The following OPRPN variants were observed in gnomAD, a reference collection of about 807,000 sequenced individuals.
The protein encoded by OPRPN is basic proline-rich lacrimal protein.
A neutral mutation model predicts 2.2 loss-of-function variants in OPRPN; 1 was observed. The observed-to-expected ratio is 0.45, with a 90% CI of 0.16 to 2.15. The LOEUF is 2.15. Ranked by LOEUF, OPRPN falls within the 30% of genes most tolerant of loss-of-function variation. The pLI, the probability that OPRPN is intolerant of heterozygous loss-of-function variation, is 0.28. For missense variants in OPRPN, 306 were observed against 297.3 expected (o/e 1.03, Z -0.21); for synonymous variants, 126 against 111.5 (o/e 1.13, Z -0.82).
intron 2 of OPRPN, among the ~76,000 whole-genome samples, chr4:70,407,871 G>T (rs1309109646): frequency 1.3e-5 from 2 of 152,154 alleles, no homozygotes; most frequent in African/African-American, 4.8e-5. Context: ...AGTTTTATAG[G>T]CATAGGGCAG....
rs768426682 is a variant in OPRPN at position 70,410,097 on chromosome 4, C to A, written c.*22C>A. On this transcript the variant is annotated 3_prime_UTR_variant, in exon 3 of 3. Transcript: ENST00000399575. The stretch of plus-strand genomic sequence containing the variant: ...TTGAACATGCAATAAATGATATTTT[C>A]CAAACTGCTCTGATATCTTAGAAGA... 6.7e-7 allele frequency: 1 copy of A among 1,486,176 alleles called. No individual in the cohort carries two copies. The highest frequency in any genetic ancestry group is 2.1e-5 in the Admixed American group (1 of 46,690). 92.1% of individuals were successfully genotyped at this position (1,486,176 alleles called of 1,614,324 possible).
At chr4:70,406,064 T>C (rs1271777743) in intron 2 of OPRPN, among the ~76,000 whole-genome samples, 1 of 146,904 alleles carries the variant, frequency 6.8e-6, no homozygotes, top group Non-Finnish European at 1.5e-5. Flanking sequence ...CATGACCCCG[T>C]TTAAAAAAAA....
intron 1 of OPRPN, 121 bp from the exon 2 acceptor site, chr4:70,399,150 G>A (rs1389082839): frequency 3.4e-6 from 2 of 595,002 alleles, no homozygotes; most frequent in African/African-American, 1.9e-5. Flanking sequence ...ATCTTTAAAG[G>A]TTATGTTGGT....
At chr4:70,401,456 A>ACTAT (rs1732983003) in intron 2 of OPRPN, among the ~76,000 whole-genome samples, 1 of 152,060 alleles carries the variant, frequency 6.6e-6, no homozygotes, top group African/African-American at 2.4e-5. Flanking sequence ...TGAGATAGGG[A>ACTAT]CTATCTAGGA....
chr4:70,399,907 G>GA (rs1732936249), intron 2 of OPRPN, among the ~76,000 whole-genome samples: 1 of 151,702 alleles, frequency 6.6e-6, no homozygotes, highest in Admixed American at 6.6e-5. Context: ...ACTCACTTGG[G>GA]AAAAAAATAC....
rs138422675 is a variant in OPRPN, at chr4:70,398,853, C to T, written c.-15-418C>T. Among the ~76,000 whole-genome samples, 80 of 151,864 alleles carry T rather than the reference C, an allele frequency of 5.3e-4. No homozygotes were observed. In the East Asian group the frequency reaches 6.6e-3, roughly 12 times the overall value. ...TTAAGAAGTTATTTTTTACAATAGTCGTGTCACGTTGACAATATTTAGGTC... is the reference window on the plus strand; with the variant it reads ...TTAAGAAGTTATTTTTTACAATAGTTGTGTCACGTTGACAATATTTAGGTC... On this transcript the variant is annotated intron_variant, in intron 1 of 2. Transcript: ENST00000399575.
Position 70,410,120 on chromosome 4 carries a change from A to G in OPRPN, c.*45A>G, listed in dbSNP as rs776975248. On this transcript the variant is annotated 3_prime_UTR_variant, in exon 3 of 3. Coordinates refer to ENST00000399575, the MANE Select transcript of OPRPN (RefSeq NM_021225.5). ...TTCCAAACTGCTCTGATATCTTAGAAGAAATAAACTGCAATGATTTTGATG... is the reference window on the plus strand; with the variant it reads ...TTCCAAACTGCTCTGATATCTTAGAGGAAATAAACTGCAATGATTTTGATG... 5 of 1,400,502 alleles carry G rather than the reference A, an allele frequency of 3.6e-6. No homozygotes were observed. Among genetic ancestry groups the G allele is most frequent in the Non-Finnish European group, 3.9e-6 (4 of 1,035,628 alleles). 86.8% of individuals were successfully genotyped at this position (1,400,502 alleles called of 1,614,324 possible). A position where few individuals can be genotyped will look rare whatever the true frequency, so the allele number is the denominator to read the frequency against.
chr4:70,408,733 T>C (rs1733142162), intron 2 of OPRPN, among the ~76,000 whole-genome samples: 1 of 152,176 alleles, frequency 6.6e-6, no homozygotes, highest in Non-Finnish European at 1.5e-5. Context: ...CATTTAACAA[T>C]GGTAGGACTG....
chr4:70,403,540 A>C (rs1733024292), intron 2 of OPRPN, among the ~76,000 whole-genome samples: 2 of 152,208 alleles, frequency 1.3e-5, no homozygotes, highest in African/African-American at 4.8e-5. Context: ...GTTTGCAAAA[A>C]ATATTTATGT....
intron 2 of OPRPN, among the ~76,000 whole-genome samples, chr4:70,406,538 G>A: frequency 6.6e-6 from 1 of 152,148 alleles, no homozygotes; most frequent in East Asian, 1.9e-4. Flanking sequence ...TTGGGGGAGA[G>A]GAGTGAAGCC....
At chr4:70,408,872 G>A (rs1387587997) in intron 2 of OPRPN, among the ~76,000 whole-genome samples, 1 of 152,134 alleles carries the variant, frequency 6.6e-6, no homozygotes, top group African/African-American at 2.4e-5. Flanking sequence ...ACTGATTTCA[G>A]ACTCACATAA....
At position 70,409,412 on chromosome 4, in the gene OPRPN, A is replaced by C; in HGVS notation, c.84A>C (p.Pro28=). ...PSESQRFSRR[P]YLPGQLPPPP... ...AGAGTCAAAGATTCTCCAGAAGACC[A>C]TATCTACCTGGCCAGCTGCCACCAC... Residue 28 remains proline (P), a synonymous_variant, in exon 3 of 3, where the codon CCA becomes CCC. Transcript: ENST00000399575. 6.2e-7 allele frequency: 1 copy of C among 1,613,172 alleles called. No homozygotes were observed. The highest frequency in any genetic ancestry group is 8.5e-7 in the Non-Finnish European group (1 of 1,179,472).
intron 2 of OPRPN, among the ~76,000 whole-genome samples, chr4:70,405,060 C>T (rs1397684078): frequency 6.6e-6 from 1 of 152,060 alleles, no homozygotes; most frequent in Non-Finnish European, 1.5e-5. Flanking sequence ...TTTAATCTCT[C>T]CAGAAATCCA....
intron 2 of OPRPN, 156 bp downstream of exon 2, chr4:70,399,492 AT>A: frequency 1.6e-6 from 1 of 609,284 alleles, no homozygotes; most frequent in Non-Finnish European, 2.8e-6. Context: ...TTCCTTTCTC[AT>A]TTATGACTAA....
intron 2 of OPRPN, among the ~76,000 whole-genome samples, chr4:70,401,869 G>C (rs1732990154): frequency 6.6e-6 from 1 of 152,038 alleles, no homozygotes; most frequent in East Asian, 1.9e-4. Flanking sequence ...ACTTAGAGAA[G>C]ACTTTGTTTG....
intron 2 of OPRPN, among the ~76,000 whole-genome samples, chr4:70,403,637 T>G (rs902771893): frequency 7.2e-5 from 11 of 152,184 alleles, no homozygotes; most frequent in African/African-American, 2.7e-4. Flanking sequence ...CTAAAGAACA[T>G]CATGTGATAG....
Position 70,400,733 on chromosome 4 carries a change from T to C in OPRPN, c.51+1397T>C, listed in dbSNP as rs568000173. 1.6e-4 allele frequency among the ~76,000 whole-genome samples: 24 copies of C among 152,112 alleles called. No homozygotes were observed. In the South Asian group the frequency reaches 5.0e-3, roughly 31 times the overall value. On this transcript the variant is annotated intron_variant, in intron 2 of 2. Coordinates refer to ENST00000399575, the MANE Select transcript of OPRPN (RefSeq NM_021225.5). ...AAATTCAACTTAAATCAATCCATCATATGAAAAAACCTAAGTCAATAATTA... is the reference window on the plus strand; with the variant it reads ...AAATTCAACTTAAATCAATCCATCACATGAAAAAACCTAAGTCAATAATTA...
chr4:70,398,745 TAG>T (rs1376929593), intron 1 of OPRPN, among the ~76,000 whole-genome samples: 20 of 151,958 alleles, frequency 1.3e-4, no homozygotes, highest in Non-Finnish European at 1.5e-5. Context: ...AATACTTCAG[TAG>T]AGTGATGTTA....
chr4:70,406,537 A>T (rs916854426), intron 2 of OPRPN, among the ~76,000 whole-genome samples: 20 of 152,156 alleles, frequency 1.3e-4, no homozygotes, highest in African/African-American at 4.8e-4. Flanking sequence ...ATTGGGGGAG[A>T]GGAGTGAAGC....
Sources: allele counts gnomAD v4.1 joint callset (sites outside exome capture counted in the v4.1 genomes callset), GRCh38; gene constraint gnomAD v4.1.1; transcripts MANE v1.5; gene names NCBI Gene and HGNC (gene_info 2026-07-23, HGNC 2026-07-21).